Variants in GABPB1 observed in about 807,000 individuals in gnomAD.
GABPB1 encodes GA-binding protein subunit beta-1.
Under a neutral mutation model 45.9 loss-of-function variants are expected in GABPB1, and 15 were observed. That is an observed-to-expected ratio of 0.33 (90% CI 0.22 to 0.50). The LOEUF is 0.50. Ranked by LOEUF, GABPB1 falls within the 20% of genes least tolerant of loss-of-function variation. GABPB1 has a pLI of 0.98. For missense variants in GABPB1, 252 were observed against 457.5 expected, an observed-to-expected ratio of 0.55 and a Z score of 4.10; for synonymous variants, 143 against 154.4, an observed-to-expected ratio of 0.93 and a Z score of 0.55.
chr15:50,333,735 G>A (rs2048022077), intron 1 of GABPB1, among the ~76,000 whole-genome samples: 1 of 152,072 alleles, frequency 6.6e-6, no homozygotes, highest in African/African-American at 2.4e-5. Context: ...TGTTGCTGCT[G>A]AAAAGTCATC....
intron 6 of GABPB1, among the ~76,000 whole-genome samples, chr15:50,295,619 CA>C (rs11356695): frequency 0.059 from 8,073 of 135,996 alleles, 332 homozygotes; most frequent in East Asian, 0.22. Context: ...CTGTAATTCC[CA>C]AAAAAAAAAA....
intron 1 of GABPB1, among the ~76,000 whole-genome samples, chr15:50,316,378 T>A (rs979283526): frequency 3.3e-5 from 5 of 152,212 alleles, no homozygotes; most frequent in East Asian, 1.9e-4. Context: ...GAAAACTCTA[T>A]AAAAGCATAA....
At chr15:50,301,148 C>G in intron 5 of GABPB1, 109 bp downstream of exon 5, 2 of 1,433,358 alleles carry the variant, frequency 1.4e-6, no homozygotes, top group Non-Finnish European at 1.9e-6. Flanking sequence ...ATTCTCCAAC[C>G]GTCCTTTCTT....
chr15:50,280,147 C>T (rs752602235), intron 8 of GABPB1, among the ~76,000 whole-genome samples: 2 of 152,076 alleles, frequency 1.3e-5, no homozygotes, highest in Admixed American at 6.5e-5. Flanking sequence ...TCCAATTACA[C>T]AAAATGTACA....
chr15:50,301,949 A>G (rs554629224), intron 4 of GABPB1, among the ~76,000 whole-genome samples: 20 of 152,318 alleles, frequency 1.3e-4, no homozygotes, highest in Middle Eastern at 6.8e-3. Flanking sequence ...AAGGAATGAA[A>G]AGAGGCATGG....
chr15:50,340,385 A>G (rs1374370647), intron 1 of GABPB1, among the ~76,000 whole-genome samples: 1 of 152,182 alleles, frequency 6.6e-6, no homozygotes, highest in African/African-American at 2.4e-5. Context: ...ATACTTTCAT[A>G]TAGCTCAAAA....
chr15:50,336,038 C>CT lies in GABPB1; in HGVS notation c.-1+18946dup, dbSNP rs1025008307. ...TTGAATTGCACAGTCCACTCACACACTTTTTTTAATATATTAGAAAATGAT... is the reference window on the plus strand; with the variant it reads ...TTGAATTGCACAGTCCACTCACACACTTTTTTTTAATATATTAGAAAATGAT... On this transcript the variant is annotated intron_variant, in intron 1 of 8. Coordinates refer to ENST00000380877, the MANE Select transcript of GABPB1 (RefSeq NM_016654.5). Among the ~76,000 whole-genome samples the CT allele has an allele frequency of 1.4e-4, 21 of 151,848 alleles. 1 individual carries two copies. The highest frequency in any genetic ancestry group is 4.6e-4 in the African/African-American group (19 of 41,430).
intron 8 of GABPB1, among the ~76,000 whole-genome samples, chr15:50,280,702 C>G (rs1426038489): frequency 1.3e-5 from 2 of 151,384 alleles, no homozygotes; most frequent in African/African-American, 4.9e-5. Flanking sequence ...GCAACTCCAC[C>G]GCACTCCAGC....
At chr15:50,342,379 T>C (rs2048407200) in intron 1 of GABPB1, among the ~76,000 whole-genome samples, 1 of 152,198 alleles carries the variant, frequency 6.6e-6, no homozygotes, top group South Asian at 2.1e-4. Flanking sequence ...CTTATTCTTA[T>C]GTGTATTTTA....
At chr15:50,316,495 T>C (rs1248967587) in intron 1 of GABPB1, among the ~76,000 whole-genome samples, 1 of 152,200 alleles carries the variant, frequency 6.6e-6, no homozygotes, top group Non-Finnish European at 1.5e-5. Context: ...CATTAAAAAT[T>C]TAAAATAAAC....
At chr15:50,301,791 A>G (rs995088276) in intron 4 of GABPB1, among the ~76,000 whole-genome samples, 2 of 152,144 alleles carry the variant, frequency 1.3e-5, no homozygotes, top group Non-Finnish European at 2.9e-5. Flanking sequence ...CAAAACAAAC[A>G]AAAAATATTT....
chr15:50,320,544 G>A (rs1244223298), intron 1 of GABPB1, among the ~76,000 whole-genome samples: 2 of 152,188 alleles, frequency 1.3e-5, no homozygotes, highest in Non-Finnish European at 1.5e-5. Flanking sequence ...GTACTATGGA[G>A]TGTGACAGGC....
chr15:50,303,474 G>A (rs1292763735), intron 3 of GABPB1, among the ~76,000 whole-genome samples: 1 of 152,164 alleles, frequency 6.6e-6, no homozygotes, highest in South Asian at 2.1e-4. Context: ...ACAAGGTCAG[G>A]AGTTCGAGAC....
chr15:50,344,124 A>G (rs1038231012), intron 1 of GABPB1, among the ~76,000 whole-genome samples: 19 of 152,236 alleles, frequency 1.2e-4, no homozygotes, highest in Middle Eastern at 3.2e-3. Flanking sequence ...AGGCTCTGAC[A>G]GGCAAGGAAA....
intron 8 of GABPB1, chr15:50,282,434 G>T: frequency 2.8e-6 from 1 of 352,956 alleles, no homozygotes. Flanking sequence ...GGGTATAGCG[G>T]TCCCAGCTGC....
At chr15:50,281,148 A>C (rs2045957009) in intron 8 of GABPB1, among the ~76,000 whole-genome samples, 1 of 152,258 alleles carries the variant, frequency 6.6e-6, no homozygotes, top group South Asian at 2.1e-4. Context: ...CTAGAAGACA[A>C]AGATCATTAG....
At chr15:50,324,248 G>A (rs896791056) in intron 1 of GABPB1, among the ~76,000 whole-genome samples, 2 of 151,868 alleles carry the variant, frequency 1.3e-5, no homozygotes, top group South Asian at 2.1e-4. Flanking sequence ...GATGGCAAGC[G>A]CCAGGCCAAC....
intron 1 of GABPB1, among the ~76,000 whole-genome samples, chr15:50,346,930 CA>C (rs1453742404): frequency 6.6e-6 from 1 of 151,806 alleles, no homozygotes; most frequent in Non-Finnish European, 1.5e-5. Flanking sequence ...GCTGGGATTA[CA>C]GGCACCTGCC....
At chr15:50,321,703 GAA>G (rs61483731) in intron 1 of GABPB1, among the ~76,000 whole-genome samples, 4 of 123,136 alleles carry the variant, frequency 3.2e-5, no homozygotes, top group Non-Finnish European at 3.3e-5. Flanking sequence ...CTCCGTCTCA[GAA>G]AAAAAAAAAA....
Sources: gnomAD v4.1 joint callset for allele counts (sites outside exome capture counted in the v4.1 genomes callset) on GRCh38, gnomAD v4.1.1 for gene constraint, MANE v1.5 for transcripts, NCBI Gene and HGNC (gene_info 2026-07-23, HGNC 2026-07-21) for gene names.